CYYR1: variants seen among roughly 807,000 people sequenced by gnomAD.
CYYR1 encodes cysteine and tyrosine-rich protein 1.
CYYR1 carries 14 observed loss-of-function variants against 15.2 expected under a neutral mutation model. The ratio of observed to expected loss-of-function variants is 0.92; its 90% confidence interval spans 0.61 to 1.44. The LOEUF is 1.44. Ranked by LOEUF, CYYR1 falls within the 40% of genes most tolerant of loss-of-function variation. CYYR1 has a pLI of 0.00. For missense variants in CYYR1, 228 were observed against 209.5 expected, an observed-to-expected ratio of 1.09 and a Z score of -0.54; for synonymous variants, 80 against 77.4, an observed-to-expected ratio of 1.03 and a Z score of -0.18.
chr21:26,482,798 T>A (rs1281507111), intron 2 of CYYR1, among the ~76,000 whole-genome samples: 1 of 152,106 alleles, frequency 6.6e-6, no homozygotes, highest in Non-Finnish European at 1.5e-5. Flanking sequence ...TTACTTTCCT[T>A]TGTGTGATAC....
At chr21:26,522,844 C>T (rs918275788) in intron 2 of CYYR1, among the ~76,000 whole-genome samples, 27 of 152,120 alleles carry the variant, frequency 1.8e-4, no homozygotes, top group African/African-American at 6.0e-4. Context: ...AAGGTGAATA[C>T]GTTTTTCCAG....
At position 26,478,516 on chromosome 21, in the gene CYYR1, T is replaced by G. The variant is rs116643424; in HGVS notation, c.334+1756A>C. On this transcript the variant is annotated intron_variant, in intron 3 of 3. Transcript: ENST00000652641. ...AGAACAGCCAACTCATGCAGTACCT[T>G]GAAGGCCTCAGTAAAGAATCTGCCT... 4.8e-3 allele frequency among the ~76,000 whole-genome samples: 729 copies of G among 152,230 alleles called. 6 individuals are homozygous for G. Among genetic ancestry groups the G allele is most frequent in the African/African-American group, 0.017 (706 of 41,536 alleles).
chr21:26,515,165 A>G (rs2065709033), intron 2 of CYYR1, among the ~76,000 whole-genome samples: 1 of 152,194 alleles, frequency 6.6e-6, no homozygotes, highest in Non-Finnish European at 1.5e-5. Context: ...TAGTTGCCCT[A>G]GGGAATTGCT....
intron 2 of CYYR1, among the ~76,000 whole-genome samples, chr21:26,492,068 G>A (rs1311344582): frequency 6.6e-6 from 1 of 152,194 alleles, no homozygotes; most frequent in Non-Finnish European, 1.5e-5. Context: ...GTGATTGATT[G>A]GAGCTGTCAT....
intron 2 of CYYR1, among the ~76,000 whole-genome samples, chr21:26,484,120 G>A (rs2065220703): frequency 1.3e-5 from 2 of 152,048 alleles, no homozygotes; most frequent in African/African-American, 4.8e-5. Context: ...ATTCCCAGGG[G>A]CAGCTAGGGC....
chr21:26,471,215 CAG>C (rs1407021912), intron 3 of CYYR1: 1 of 152,182 alleles, frequency 6.6e-6, no homozygotes, highest in Non-Finnish European at 1.5e-5. Context: ...CTCCATGCAG[CAG>C]GAAACCCATT....
intron 2 of CYYR1, chr21:26,564,560 G>T: frequency 1.8e-6 from 1 of 567,264 alleles, no homozygotes; most frequent in Non-Finnish European, 2.2e-6. Context: ...ATAAAAATGT[G>T]AACTTCACTG....
intron 2 of CYYR1, chr21:26,552,131 T>C (rs1407403011): frequency 6.6e-6 from 1 of 152,242 alleles, no homozygotes; most frequent in African/African-American, 2.4e-5. Flanking sequence ...AATTAAGGTA[T>C]GTACATTGTT....
chr21:26,565,992 T>G (rs1980586600), intron 2 of CYYR1, among the ~76,000 whole-genome samples: 1 of 152,200 alleles, frequency 6.6e-6, no homozygotes, highest in Non-Finnish European at 1.5e-5. Context: ...ACTTAAAACA[T>G]TATTATAGTA....
chr21:26,484,207 A>G (rs535974483), intron 2 of CYYR1, among the ~76,000 whole-genome samples: 2 of 152,210 alleles, frequency 1.3e-5, no homozygotes, highest in East Asian at 3.9e-4. Flanking sequence ...GGACTACACA[A>G]AAGCCCAAGG....
chr21:26,482,115 A>C (rs2830250), intron 2 of CYYR1: 56,364 of 227,092 alleles, frequency 0.25, 7,842 homozygotes, highest in Non-Finnish European at 0.3. Flanking sequence ...GCCTCCTCTT[A>C]TACTATTTGG....
At chr21:26,477,805 A>AG in intron 3 of CYYR1, 1 of 983,912 alleles carries the variant, frequency 1.0e-6, no homozygotes, top group Non-Finnish European at 1.2e-6. Context: ...GGTTTGACCA[A>AG]GGGAAAAAAT....
chr21:26,563,502 G>A (rs1003315559), intron 2 of CYYR1, among the ~76,000 whole-genome samples: 3 of 152,096 alleles, frequency 2.0e-5, no homozygotes, highest in Non-Finnish European at 4.4e-5. Context: ...AACTCAGGAG[G>A]CGGAGGCTGC....
At chr21:26,556,583 C>G (rs1979800754) in intron 2 of CYYR1, among the ~76,000 whole-genome samples, 1 of 152,094 alleles carries the variant, frequency 6.6e-6, no homozygotes, top group African/African-American at 2.4e-5. Context: ...CGTCAGAAAA[C>G]TTTCAATCAT....
intron 2 of CYYR1, among the ~76,000 whole-genome samples, chr21:26,558,500 T>C (rs1232412046): frequency 6.6e-6 from 1 of 151,878 alleles, no homozygotes; most frequent in Non-Finnish European, 1.5e-5. Context: ...AATGTCAGAG[T>C]TGAAGGCCAC....
intron 2 of CYYR1, among the ~76,000 whole-genome samples, chr21:26,521,363 G>A (rs1394844900): frequency 2.6e-5 from 4 of 152,128 alleles, no homozygotes; most frequent in African/African-American, 9.7e-5. Flanking sequence ...ACATGTATAC[G>A]AAAGACATCT....
At chr21:26,485,117 T>C (rs1569142656) in intron 2 of CYYR1, among the ~76,000 whole-genome samples, 1 of 152,094 alleles carries the variant, frequency 6.6e-6, no homozygotes, top group Non-Finnish European at 1.5e-5. Flanking sequence ...ATTAAAACCT[T>C]GAAAAAATTT....
chr21:26,546,768 C>G (rs749227767), intron 2 of CYYR1, among the ~76,000 whole-genome samples: 2 of 152,108 alleles, frequency 1.3e-5, no homozygotes, highest in African/African-American at 4.8e-5. Context: ...GTACACCAAC[C>G]CGAGAGAGAA....
chr21:26,562,949 T>A (rs968970481), intron 2 of CYYR1, among the ~76,000 whole-genome samples: 5 of 152,312 alleles, frequency 3.3e-5, no homozygotes, highest in African/African-American at 1.2e-4. Context: ...TCAGAGTCCA[T>A]CATTTTTTCA....
Sources: allele counts gnomAD v4.1 joint callset (sites outside exome capture counted in the v4.1 genomes callset), GRCh38; gene constraint gnomAD v4.1.1; transcripts MANE v1.5; gene names NCBI Gene and HGNC (gene_info 2026-07-23, HGNC 2026-07-21).